The following PTPMT1 variants were observed in gnomAD, a reference collection of about 807,000 sequenced individuals.
PTPMT1 encodes phosphatidylglycerophosphatase and protein-tyrosine phosphatase 1.
In PTPMT1, 12 loss-of-function variants were observed where a neutral mutation model predicts 17.8. The observed-to-expected ratio is 0.67, with a 90% CI of 0.43 to 1.09. The LOEUF (loss-of-function observed/expected upper bound fraction) is 1.09. Among genes scored for constraint, PTPMT1 ranks in the 50% least tolerant of loss-of-function variants. The probability of loss-of-function intolerance (pLI) is 0.00; values close to 1 mark genes in which losing one functional copy is unlikely to be tolerated. For missense variants in PTPMT1, 262 were observed against 266.0 expected (o/e 0.99, Z 0.10); for synonymous variants, 132 against 116.8 (o/e 1.13, Z -0.84).
In PTPMT1 at chr11:47,572,942, A is replaced by G; in HGVS notation, c.*1313A>G. ...CCTCCCCACAGCCTTAGGCCAACAC[A>G]AACTGCAAATTGGTAAGCAGCACCT... On this transcript the variant is annotated 3_prime_UTR_variant, in exon 4 of 4. Coordinates refer to ENST00000326674, the MANE Select transcript of PTPMT1 (RefSeq NM_175732.3). The G allele has an allele frequency of 6.2e-7, 1 of 1,613,562 alleles. No individual in the cohort carries two copies. Among genetic ancestry groups the G allele is most frequent in the Non-Finnish European group, 8.5e-7 (1 of 1,179,576 alleles).
chr11:47,567,445 A>T (rs1481568657), intron 2 of PTPMT1, among the ~76,000 whole-genome samples: 4 of 152,010 alleles, frequency 2.6e-5, no homozygotes, highest in African/African-American at 7.2e-5. Flanking sequence ...TTAGAACCAT[A>T]AAGTCTCTGA....
At chr11:47,570,302 A>G (rs935400349) in intron 3 of PTPMT1, among the ~76,000 whole-genome samples, 1 of 151,798 alleles carries the variant, frequency 6.6e-6, no homozygotes, top group African/African-American at 2.4e-5. Context: ...GCTTGATTTC[A>G]GGCTGTTGGG....
At position 47,572,884 on chromosome 11, in the gene PTPMT1, T is replaced by C; in HGVS notation, c.*1255T>C. On this transcript the variant is annotated 3_prime_UTR_variant, in exon 4 of 4. Coordinates refer to ENST00000326674, the MANE Select transcript of PTPMT1 (RefSeq NM_175732.3). ...GGGCCCAGGGGACTTTGAGTTTGTA[T>C]GGGGAGGGAAAAGGAGTGAGCAGTT... 3.8e-6 allele frequency: 6 copies of C among 1,570,608 alleles called. No homozygotes were observed. Among genetic ancestry groups the C allele is most frequent in the Non-Finnish European group, 5.2e-6 (6 of 1,157,134 alleles).
intron 1 of PTPMT1, 48 bp from the exon 2 acceptor site, chr11:47,565,858 C>G: frequency 6.2e-7 from 1 of 1,609,294 alleles, no homozygotes; most frequent in Non-Finnish European, 8.5e-7. Flanking sequence ...CCTGTCGGGC[C>G]GCTGGGGTCT....
At position 47,573,415 on chromosome 11, in the gene PTPMT1, A is replaced by G; in HGVS notation, c.*1786A>G. On this transcript the variant is annotated 3_prime_UTR_variant, in exon 4 of 4. Coordinates refer to ENST00000326674, the MANE Select transcript of PTPMT1 (RefSeq NM_175732.3). The surrounding 1 kb of genome is among the most constrained non-coding windows in gnomAD (Gnocchi z 4.1). ...ACCTCTAGCTGAGTTGTCTCTGTCC[A>G]CACATTATCACCTACGCGATAATAA... 1 of 1,614,224 alleles carries G rather than the reference A, an allele frequency of 6.2e-7. No individual in the cohort carries two copies. The highest frequency in any genetic ancestry group is 2.2e-5 in the East Asian group (1 of 44,884).
intron 1 of PTPMT1, 21 bp from the exon 2 acceptor site, chr11:47,565,885 G>C: frequency 6.2e-7 from 1 of 1,612,446 alleles, no homozygotes; most frequent in Admixed American, 1.7e-5. Context: ...TCTTTGCTGA[G>C]CCACCTCTTT....
In PTPMT1 at chr11:47,571,591, G is replaced by A; in HGVS notation, c.568G>A (p.Ala190Thr). ...GTTCCACAAGCAGATTACTGCACGGGCAACAAAGGATGGGACTTTTGTCAT... is the reference window on the plus strand; with the variant it reads ...GTTCCACAAGCAGATTACTGCACGGACAACAAAGGATGGGACTTTTGTCAT... ...KEFHKQITAR[A>T]TKDGTFVISK... Residue 190 changes from alanine to threonine, a missense_variant, in exon 4 of 4, where the codon GCA (alanine) becomes ACA (threonine). Ala to Thr is a moderately conservative substitution (Grantham distance 58). Coordinates refer to ENST00000326674, the MANE Select transcript of PTPMT1 (RefSeq NM_175732.3). 1 of 1,613,968 alleles carries A rather than the reference G, an allele frequency of 6.2e-7. No individual in the cohort carries two copies. The highest frequency in any genetic ancestry group is 8.5e-7 in the Non-Finnish European group (1 of 1,180,012).
In PTPMT1 at chr11:47,571,511, C is replaced by G; in HGVS notation, c.488C>G (p.Ala163Gly). ...WSPEEAVRAI[A>G]KIRSYIHIRP... is the part of the protein sequence containing the mutation. ...CCAGAGGAGGCTGTAAGAGCCATCG[C>G]CAAGATCCGGTCATACATCCACATC... Residue 163 changes from alanine to glycine, a missense_variant, in exon 4 of 4, where the codon GCC (alanine) becomes GGC (glycine). Physicochemically the swap from Ala to Gly is moderately conservative, Grantham distance 60. Coordinates refer to ENST00000326674, the MANE Select transcript of PTPMT1 (RefSeq NM_175732.3). 1 of 1,613,976 alleles carries G rather than the reference C, an allele frequency of 6.2e-7. No homozygotes were observed. The highest frequency in any genetic ancestry group is 1.1e-5 in the South Asian group (1 of 91,066).
At position 47,573,057 on chromosome 11, in the gene PTPMT1, T is replaced by A; in HGVS notation, c.*1428T>A. 6.2e-7 allele frequency: 1 copy of A among 1,614,094 alleles called. No individual in the cohort carries two copies. On this transcript the variant is annotated 3_prime_UTR_variant, in exon 4 of 4. Transcript: ENST00000326674. This position sits in a 1 kb window ranked among gnomAD's most constrained non-coding sequence, Gnocchi z 4.1. Reference sequence around the variant, plus strand: ...CTTTTTATATCGGTCCCGGAAGACATAGATGCTCCCGTTACAGCTGGCAAT... The same window carrying A: ...CTTTTTATATCGGTCCCGGAAGACAAAGATGCTCCCGTTACAGCTGGCAAT...
chr11:47,565,633 C>T lies in PTPMT1; in HGVS notation c.11C>T (p.Thr4Ile). 1.5e-6 allele frequency: 2 copies of T among 1,317,706 alleles called. No homozygotes were observed. Among genetic ancestry groups the T allele is most frequent in the Middle Eastern group, 2.8e-4 (1 of 3,572 alleles). The allele number at this position is 1,317,706 out of a possible 1,614,324, so 81.6% of individuals were successfully genotyped here. A position where few individuals can be genotyped will look rare whatever the true frequency, so the allele number is the denominator to read the frequency against. Reference sequence around the variant, plus strand: ...CTGCGCCGGGCCGGGATGGCGGCCACCGCGCTGCTGGAGGCCGGCCTGGCG... The same window carrying T: ...CTGCGCCGGGCCGGGATGGCGGCCATCGCGCTGCTGGAGGCCGGCCTGGCG... MAATALLEAGLARV... is the reference protein window; with the variant it reads MAAIALLEAGLARV... Residue 4 changes from threonine (T) to isoleucine (I), a missense_variant, in exon 1 of 4, where the codon ACC becomes ATC. Physicochemically the swap from Thr to Ile is moderately conservative, Grantham distance 89 (BLOSUM62 -1). Transcript: ENST00000326674.
Position 47,573,013 on chromosome 11 carries a change from T to G in PTPMT1, c.*1384T>G. The G allele has an allele frequency of 6.2e-7, 1 of 1,614,124 alleles. No individual in the cohort carries two copies. Among genetic ancestry groups the G allele is most frequent in the Non-Finnish European group, 8.5e-7 (1 of 1,180,016 alleles). ...ACGGCTGAAGTGGCAGGGTCAAGCT[T>G]GTAGGTGTTGGCATCCCCCTTTTTA... On this transcript the variant is annotated 3_prime_UTR_variant, in exon 4 of 4. Coordinates refer to ENST00000326674, the MANE Select transcript of PTPMT1 (RefSeq NM_175732.3). This position sits in a 1 kb window ranked among gnomAD's most constrained non-coding sequence, Gnocchi z 4.1.
chr11:47,570,072 G>C (rs1411804610), intron 3 of PTPMT1, among the ~76,000 whole-genome samples, 181 bp downstream of exon 3: 1 of 151,224 alleles, frequency 6.6e-6, no homozygotes, highest in Non-Finnish European at 1.5e-5. Context: ...TGCACCTGTA[G>C]TCCCAGCTAC....
chr11:47,566,735 T>C (rs1327697521), intron 2 of PTPMT1, among the ~76,000 whole-genome samples: 2 of 151,976 alleles, frequency 1.3e-5, no homozygotes, highest in East Asian at 1.9e-4. Flanking sequence ...CCCTTAACAC[T>C]CTCCCCTCCC....
rs748733001 is a variant in PTPMT1 at position 47,571,650 on chromosome 11, C to T, written c.*21C>T. The T allele has an allele frequency of 4.3e-6, 7 of 1,611,872 alleles. No individual in the cohort carries two copies. In the South Asian group the frequency reaches 6.6e-5, roughly 15 times the overall value. The stretch of plus-strand genomic sequence containing the variant: ...CATGATGTATGGGGATTAGAAAGAA[C>T]TCAAGACACTCCTGCTTGATACAGA... On this transcript the variant is annotated 3_prime_UTR_variant, in exon 4 of 4. Transcript: ENST00000326674.
intron 2 of PTPMT1, among the ~76,000 whole-genome samples, chr11:47,567,138 A>T (rs1487991869): frequency 6.6e-6 from 1 of 152,078 alleles, no homozygotes; most frequent in Non-Finnish European, 1.5e-5. Flanking sequence ...GGTGGCTCTC[A>T]CACCTGTAAT....
rs1429036183 is a variant in PTPMT1 at position 47,572,039 on chromosome 11, T to C, written c.*410T>C. Reference sequence around the variant, plus strand: ...CAGAATCTGAATCTCACTGGCCCTGTGGAGTAGGGATCCTATCTGGAGAAG... The same window carrying C: ...CAGAATCTGAATCTCACTGGCCCTGCGGAGTAGGGATCCTATCTGGAGAAG... On this transcript the variant is annotated 3_prime_UTR_variant, in exon 4 of 4. Transcript: ENST00000326674. 1 of 162,086 alleles carries C rather than the reference T, an allele frequency of 6.2e-6. No homozygotes were observed. The highest frequency in any genetic ancestry group is 1.3e-5 in the Non-Finnish European group (1 of 74,536). The allele number at this position is 162,086 out of a possible 1,614,324, so 10.0% of individuals were successfully genotyped here.
chr11:47,570,739 A>G (rs2097249177), intron 3 of PTPMT1, among the ~76,000 whole-genome samples: 1 of 152,184 alleles, frequency 6.6e-6, no homozygotes, highest in African/African-American at 2.4e-5. Context: ...ATTTAGGAGA[A>G]ACAAATACCC....
intron 2 of PTPMT1, among the ~76,000 whole-genome samples, chr11:47,567,407 A>G (rs945662316): frequency 5.4e-5 from 8 of 148,816 alleles, no homozygotes; most frequent in Non-Finnish European, 9.0e-5. Flanking sequence ...CTCCGTCTCA[A>G]AAAAAAAAAA....
rs1359888751 is a variant in PTPMT1, at chr11:47,569,789, C to A, written c.345C>A (p.Val115=). 6.2e-7 allele frequency: 1 copy of A among 1,614,070 alleles called. No individual in the cohort carries two copies. The highest frequency in any genetic ancestry group is 8.5e-7 in the Non-Finnish European group (1 of 1,179,996). The change falls in exon 3 of 4, where the codon GTC becomes GTA. Residue 115 remains valine (V), a synonymous_variant. Transcript: ENST00000326674. The stretch of plus-strand genomic sequence containing the variant: ...CCTTGGACAACCTCCAGAAGGGAGT[C>A]CAATTTGCTCTCAAGTACCAGTCGC... ...IPTLDNLQKG[V]QFALKYQSLG...
Sources: gnomAD v4.1 joint callset for allele counts (sites outside exome capture counted in the v4.1 genomes callset) on GRCh38, gnomAD v4.1.1 for gene constraint, Gnocchi (gnomAD v3.1) non-coding constraint, MANE v1.5 for transcripts, NCBI Gene and HGNC (gene_info 2026-07-23, HGNC 2026-07-21) for gene names.